TLE4: variants seen among roughly 807,000 people sequenced by gnomAD.
TLE4 encodes transducin-like enhancer protein 4.
Under a neutral mutation model 92.8 loss-of-function variants are expected in TLE4, and 8 were observed. The ratio of observed to expected loss-of-function variants is 0.09; its 90% CI spans 0.05 to 0.16. TLE4 has a LOEUF of 0.16. Among genes scored for constraint, TLE4 ranks in the 10% least tolerant of loss-of-function variants. The pLI is 1.00. For missense variants in TLE4, 675 were observed against 997.6 expected (o/e 0.68, Z 4.36); for synonymous variants, 371 against 374.1 (o/e 0.99, Z 0.10).
At chr9:79,595,873 G>T (rs2043833649) in intron 4 of TLE4, among the ~76,000 whole-genome samples, 1 of 147,376 alleles carries the variant, frequency 6.8e-6, no homozygotes, top group African/African-American at 2.6e-5. Context: ...TTTTGAGACG[G>T]AGTCTTGCTG....
In TLE4 at chr9:79,586,115, G is replaced by A. The variant is rs1375734254; in HGVS notation, c.252+9938G>A. 3.5e-5 allele frequency among the ~76,000 whole-genome samples: 5 copies of A among 141,978 alleles called. No homozygotes were observed. In the East Asian group the frequency reaches 6.4e-4, roughly 18 times the overall value. The allele number at this position is 141,978 out of a possible 152,430, so 93.1% of individuals were successfully genotyped here. ...TAGGCTGGGCACGTGGCTTACGCCT[G>A]TAATCCCAGCACTTTGGGAGGCTGA... On this transcript the variant is annotated intron_variant, in intron 4 of 19. Transcript: ENST00000376552.
intron 14 of TLE4, chr9:79,717,916 C>T (rs1588609716): frequency 2.2e-6 from 1 of 454,364 alleles, no homozygotes; most frequent in African/African-American, 2.0e-5. Context: ...AACAGCCTCA[C>T]TCGTCCCTTC....
At chr9:79,708,890 G>GA in intron 13 of TLE4, 104 bp downstream of exon 13, 1 of 1,376,978 alleles carries the variant, frequency 7.3e-7, no homozygotes, top group Non-Finnish European at 9.7e-7. Flanking sequence ...GGAGTGCAGT[G>GA]GCATGATCTT....
chr9:79,575,140 A>G, intron 3 of TLE4: 1 of 369,912 alleles, frequency 2.7e-6, no homozygotes, highest in Non-Finnish European at 5.1e-6. Flanking sequence ...TGGAATTTTC[A>G]GAAAGTTCAG....
chr9:79,708,476 G>C (rs550711261), intron 12 of TLE4, 117 bp from the exon 13 acceptor site: 1 of 1,178,048 alleles, frequency 8.5e-7, no homozygotes, highest in Middle Eastern at 2.0e-4. Context: ...AATGACTTTT[G>C]AGAATATTAA....
intron 4 of TLE4, chr9:79,580,250 A>C (rs952718825): frequency 6.6e-6 from 1 of 152,230 alleles, no homozygotes; most frequent in African/African-American, 2.4e-5. Flanking sequence ...AATGCTGTCC[A>C]GGGCAGATAA....
intron 8 of TLE4, among the ~76,000 whole-genome samples, chr9:79,670,501 C>G (rs2062126606): frequency 6.6e-6 from 1 of 152,166 alleles, no homozygotes; most frequent in African/African-American, 2.4e-5. Flanking sequence ...TCTTTCCTCC[C>G]CCTCCTTTCC....
At chr9:79,599,343 A>G (rs1564274448) in intron 4 of TLE4, among the ~76,000 whole-genome samples, 3 of 152,110 alleles carry the variant, frequency 2.0e-5, no homozygotes, top group Admixed American at 6.5e-5. Context: ...CTGCCTGCAC[A>G]TTAGATTCAC....
At chr9:79,721,921 C>G (rs114827254) in intron 17 of TLE4, 33 bp downstream of exon 17, 3 of 1,593,820 alleles carry the variant, frequency 1.9e-6, no homozygotes, top group Non-Finnish European at 2.6e-6. Flanking sequence ...TTTAAAGATA[C>G]GGTTTTAGGC....
At chr9:79,642,103 G>A (rs2057272016) in intron 6 of TLE4, among the ~76,000 whole-genome samples, 1 of 151,902 alleles carries the variant, frequency 6.6e-6, no homozygotes, top group African/African-American at 2.4e-5. Context: ...AGAAATTGTG[G>A]TCAAAATTTT....
chr9:79,640,550 A>G (rs1423253056), intron 6 of TLE4, among the ~76,000 whole-genome samples: 2 of 152,022 alleles, frequency 1.3e-5, no homozygotes, highest in Admixed American at 6.6e-5. Context: ...AAATGGTACA[A>G]CTATCTACCT....
At chr9:79,596,271 C>T (rs1040573901) in intron 4 of TLE4, among the ~76,000 whole-genome samples, 2 of 152,108 alleles carry the variant, frequency 1.3e-5, no homozygotes, top group African/African-American at 4.8e-5. Flanking sequence ...TGCCTCGCCT[C>T]CTCCTGCCTG....
At chr9:79,643,772 A>G (rs898298549) in intron 6 of TLE4, among the ~76,000 whole-genome samples, 2 of 152,196 alleles carry the variant, frequency 1.3e-5, no homozygotes, top group Non-Finnish European at 2.9e-5. Flanking sequence ...TTTCCCTGCA[A>G]CTTTTTACCC....
chr9:79,640,746 C>G (rs1175333513), intron 6 of TLE4, among the ~76,000 whole-genome samples: 1 of 152,086 alleles, frequency 6.6e-6, no homozygotes, highest in Non-Finnish European at 1.5e-5. Flanking sequence ...TGTTTGAACC[C>G]CCTGCATTAC....
At chr9:79,665,443 G>A (rs546115460) in intron 8 of TLE4, among the ~76,000 whole-genome samples, 33 of 152,220 alleles carry the variant, frequency 2.2e-4, no homozygotes, top group African/African-American at 7.0e-4. Flanking sequence ...TTAATGGATC[G>A]TTCCTCTTCA....
chr9:79,583,379 T>C (rs1009285318), intron 4 of TLE4, among the ~76,000 whole-genome samples: 7 of 152,256 alleles, frequency 4.6e-5, no homozygotes, highest in African/African-American at 1.7e-4. Context: ...CGCACTGTCA[T>C]CTCTTTTGAG....
rs1219287110 is a variant in TLE4, at chr9:79,683,461, A to C, written c.610-21322A>C. Among the ~76,000 whole-genome samples, 8 of 152,322 alleles carry C rather than the reference A, an allele frequency of 5.3e-5. 1 individual carries two copies. In the South Asian group the frequency reaches 1.7e-3, roughly 32 times the overall value. On this transcript the variant is annotated intron_variant, in intron 8 of 19. Transcript: ENST00000376552. ...CAGTTAAAGAGTTTACATGGTACCT[A>C]TGCCAATTTTACAAAGGCACCATTA... is the stretch of plus-strand genomic sequence containing the variant.
At chr9:79,580,987 G>T (rs1564116378) in intron 4 of TLE4, among the ~76,000 whole-genome samples, 1 of 152,112 alleles carries the variant, frequency 6.6e-6, no homozygotes, top group South Asian at 2.1e-4. Flanking sequence ...GTGTGTGGGG[G>T]TGGGAAGGGT....
intron 5 of TLE4, among the ~76,000 whole-genome samples, chr9:79,617,094 G>T (rs2049828731): frequency 6.6e-6 from 1 of 152,188 alleles, no homozygotes; most frequent in Admixed American, 6.5e-5. Context: ...CATTTGGAAA[G>T]GAATGACTTA....
Sources: allele counts gnomAD v4.1 joint callset (sites outside exome capture counted in the v4.1 genomes callset), GRCh38; gene constraint gnomAD v4.1.1; transcripts MANE v1.5; gene names NCBI Gene and HGNC (gene_info 2026-07-23, HGNC 2026-07-21).